The following CDC14B variants were observed in gnomAD, a reference collection of about 807,000 sequenced individuals.
CDC14B encodes the protein cell division cycle 14B, also known as dual specificity protein phosphatase CDC14B.
In CDC14B, 22 loss-of-function variants were observed where a neutral mutation model predicts 64.2. The observed-to-expected ratio is 0.34, with a 90% confidence interval of 0.24 to 0.49. The LOEUF (loss-of-function observed/expected upper bound fraction) is 0.49, where lower values mean the gene tolerates loss of function less well. CDC14B is among the 20% of genes least tolerant of loss of function. CDC14B has a pLI of 0.99. For synonymous variants in CDC14B, 191 were observed against 215.8 expected (o/e 0.89, Z 1.01); for missense variants, 498 against 629.9 (o/e 0.79, Z 2.24).
intron 7 of CDC14B, among the ~76,000 whole-genome samples, chr9:96,536,554 C>T (rs1256224829): frequency 6.6e-6 from 1 of 152,174 alleles, no homozygotes; most frequent in Non-Finnish European, 1.5e-5. Context: ...AGGGTTGGCC[C>T]TAATGAATCC....
chr9:96,590,654 T>G (rs914337677), intron 1 of CDC14B, among the ~76,000 whole-genome samples: 4 of 152,200 alleles, frequency 2.6e-5, no homozygotes, highest in South Asian at 2.1e-4. Context: ...TTCCTGGTTT[T>G]TTTTTTTTTT....
intron 1 of CDC14B, among the ~76,000 whole-genome samples, chr9:96,606,164 T>C (rs528711382): frequency 6.6e-6 from 1 of 151,028 alleles, no homozygotes; most frequent in East Asian, 2.0e-4. Flanking sequence ...CAAAACCCCA[T>C]TTCAACTAAA....
chr9:96,543,290 C>T (rs1233855679), intron 5 of CDC14B, among the ~76,000 whole-genome samples: 6 of 149,478 alleles, frequency 4.0e-5, no homozygotes, highest in African/African-American at 1.5e-4. Flanking sequence ...GCGGAGCTTG[C>T]GCCATTGCAC....
intron 7 of CDC14B, 149 bp from the exon 8 acceptor site, chr9:96,534,691 G>T (rs1839023377): frequency 3.2e-6 from 2 of 616,732 alleles, no homozygotes; most frequent in Non-Finnish European, 5.9e-6. Context: ...ATCTCAATTT[G>T]CCCTGCTATA....
chr9:96,509,803 G>GA lies in CDC14B; in HGVS notation c.1344-15dup, dbSNP rs755020620. ...TGAAGAATTACTCTGAAAATAGTTG[G>GA]AAAAAAATAAGATTATATTCACTGA... On this transcript the variant is annotated splice_polypyrimidine_tract_variant and intron_variant, in intron 12 of 13. Transcript: ENST00000375241. 2.7e-6 allele frequency: 4 copies of GA among 1,494,634 alleles called. No homozygotes were observed. Among genetic ancestry groups the GA allele is most frequent in the Middle Eastern group, 3.4e-4 (2 of 5,836 alleles). The allele number at this position is 1,494,634 out of a possible 1,614,324, so 92.6% of individuals were successfully genotyped here.
At chr9:96,586,288 TTAG>T (rs1286232328) in intron 1 of CDC14B, among the ~76,000 whole-genome samples, 2 of 152,188 alleles carry the variant, frequency 1.3e-5, no homozygotes, top group African/African-American at 4.8e-5. Flanking sequence ...TATCTTGACC[TTAG>T]TATCTGTTAC....
chr9:96,494,373 TG>T (rs1330640503), intron 13 of CDC14B, among the ~76,000 whole-genome samples: 3 of 152,360 alleles, frequency 2.0e-5, no homozygotes, highest in East Asian at 1.9e-4. Context: ...GCGATGGCCA[TG>T]GTGCCTAGCA....
Position 96,515,744 on chromosome 9 carries a change from C to A in CDC14B, c.1344-5955G>T. ...GAAGAATGTAGTCACAAACAATCCA[C>A]CAGATGACAACACTACACAGTGCAG... On this transcript the variant is annotated intron_variant, in intron 12 of 13. Coordinates refer to ENST00000375241, the MANE Select transcript of CDC14B (RefSeq NM_033331.4). This position sits in a 1 kb window ranked among gnomAD's most constrained non-coding sequence, Gnocchi z 4.3. 12 of 1,606,848 alleles carry A rather than the reference C, an allele frequency of 7.5e-6. No homozygotes were observed. Among genetic ancestry groups the A allele is most frequent in the Non-Finnish European group, 1.0e-5 (12 of 1,177,144 alleles).
At chr9:96,583,596 A>G (rs141821787) in intron 1 of CDC14B, among the ~76,000 whole-genome samples, 6 of 151,946 alleles carry the variant, frequency 3.9e-5, no homozygotes, top group Non-Finnish European at 5.9e-5. Context: ...CGGGTTTCAC[A>G]TATTGGTCAG....
At chr9:96,556,923 A>AG (rs1463927760) in intron 4 of CDC14B, among the ~76,000 whole-genome samples, 1 of 152,208 alleles carries the variant, frequency 6.6e-6, no homozygotes, top group African/African-American at 2.4e-5. Context: ...TATTGATGGA[A>AG]GAGGGCCTGC....
exon 14 of CDC14B, chr9:96,492,160 T>C (rs1833108358): frequency 1.3e-5 from 2 of 152,364 alleles, no homozygotes; most frequent in South Asian, 2.1e-4. Context: ...CGACTTAGAC[T>C]CAAGCAGATT....
chr9:96,570,610 T>A (rs1157205700), intron 1 of CDC14B, among the ~76,000 whole-genome samples: 1 of 152,198 alleles, frequency 6.6e-6, no homozygotes, highest in African/African-American at 2.4e-5. Flanking sequence ...CCACTTGTTT[T>A]TTGAGGGTAG....
chr9:96,550,576 C>A (rs1841651094), intron 5 of CDC14B, among the ~76,000 whole-genome samples: 1 of 152,104 alleles, frequency 6.6e-6, no homozygotes, highest in African/African-American at 2.4e-5. Flanking sequence ...AACTAACGAA[C>A]TAATTAGTTT....
chr9:96,503,612 A>G lies in CDC14B; in HGVS notation c.*141T>C, dbSNP rs1587712628. The G allele has an allele frequency of 8.7e-6, 6 of 691,598 alleles. No individual in the cohort carries two copies. The East Asian group carries it at 1.1e-4, about 13-fold the overall frequency. 42.8% of individuals were successfully genotyped at this position (691,598 alleles called of 1,614,324 possible). A position where few individuals can be genotyped will look rare whatever the true frequency, so the allele number is the denominator to read the frequency against. ...AAGTTCATTATTCAAACTCCAGTGGACATTTTCTCCATTGATCAACTTCTT... is the reference window on the plus strand; with the variant it reads ...AAGTTCATTATTCAAACTCCAGTGGGCATTTTCTCCATTGATCAACTTCTT... On this transcript the variant is annotated 3_prime_UTR_variant, in exon 14 of 14. Transcript: ENST00000375241.
intron 1 of CDC14B, among the ~76,000 whole-genome samples, chr9:96,588,305 GCT>G (rs1845573234): frequency 6.6e-6 from 1 of 152,126 alleles, no homozygotes; most frequent in African/African-American, 2.4e-5. Context: ...GTAACATTCA[GCT>G]CTCTGCAGCA....
At chr9:96,570,821 C>T (rs925352790) in intron 1 of CDC14B, among the ~76,000 whole-genome samples, 1 of 152,154 alleles carries the variant, frequency 6.6e-6, no homozygotes, top group African/African-American at 2.4e-5. Context: ...GAGTGACTAA[C>T]CTGCACAAGG....
intron 1 of CDC14B, among the ~76,000 whole-genome samples, chr9:96,614,142 G>A (rs1159001625): frequency 4.6e-5 from 7 of 151,976 alleles, no homozygotes; most frequent in Non-Finnish European, 1.0e-4. Context: ...TCGAAAACTT[G>A]TTTTTAAAAA....
chr9:96,529,046 C>T (rs1372842807), intron 9 of CDC14B, among the ~76,000 whole-genome samples: 1 of 152,106 alleles, frequency 6.6e-6, no homozygotes, highest in Non-Finnish European at 1.5e-5. Context: ...CATGGGTTAC[C>T]TTGTTACTCT....
intron 5 of CDC14B, among the ~76,000 whole-genome samples, chr9:96,546,539 T>C (rs963700677): frequency 6.1e-4 from 92 of 151,840 alleles, no homozygotes; most frequent in African/African-American, 2.1e-3. Context: ...AATCTCCGCC[T>C]CTCAGGTTGA....
Sources: allele counts gnomAD v4.1 joint callset (sites outside exome capture counted in the v4.1 genomes callset), GRCh38; gene constraint gnomAD v4.1.1; non-coding constraint Gnocchi (gnomAD v3.1); transcripts MANE v1.5; gene names NCBI Gene and HGNC (gene_info 2026-07-23, HGNC 2026-07-21).